NFIB: variants seen among roughly 807,000 people sequenced by gnomAD.
NFIB encodes nuclear factor 1 B-type.
Under a neutral mutation model 61.5 loss-of-function variants are expected in NFIB, and 11 were observed. The ratio of observed to expected loss-of-function variants is 0.18; its 90% CI spans 0.11 to 0.30. NFIB has a LOEUF of 0.30. NFIB is among the 10% of genes least tolerant of loss of function. The pLI is 1.00. For missense variants in NFIB, 471 were observed against 608.9 expected, an observed-to-expected ratio of 0.77 and a Z score of 2.38; for synonymous variants, 260 against 216.5, an observed-to-expected ratio of 1.20 and a Z score of -1.76.
intron 10 of NFIB, among the ~76,000 whole-genome samples, chr9:14,090,097 G>A (rs950371746): frequency 2.0e-5 from 3 of 152,062 alleles, no homozygotes; most frequent in Non-Finnish European, 2.9e-5. Context: ...TTCAAAAGCT[G>A]TCACCCAAGA....
chr9:14,316,623 G>T (rs1479134841), upstream of NFIB, among the ~76,000 whole-genome samples: 1 of 152,220 alleles, frequency 6.6e-6, no homozygotes, highest in Non-Finnish European at 1.5e-5. Flanking sequence ...GTTAATCCAA[G>T]TAAATACTCA....
chr9:14,509,737 A>G, the NFIB span, among the ~76,000 whole-genome samples: 5 of 152,342 alleles, frequency 3.3e-5, no homozygotes, highest in African/African-American at 1.2e-4. Flanking sequence ...ATGGAGAAAG[A>G]TAGAATAGGG....
intron 5 of NFIB, among the ~76,000 whole-genome samples, chr9:14,148,692 T>G (rs772701833): frequency 6.6e-6 from 1 of 151,770 alleles, no homozygotes; most frequent in Admixed American, 6.6e-5. Flanking sequence ...GTGTGCTCTT[T>G]CCACTGCACT....
chr9:14,207,397 T>A (rs577198264), intron 2 of NFIB, among the ~76,000 whole-genome samples: 38 of 151,524 alleles, frequency 2.5e-4, no homozygotes, highest in African/African-American at 8.9e-4. Context: ...AAGCCTCCCT[T>A]GAGTGGAGGC....
chr9:14,417,469 G>A, the NFIB span, among the ~76,000 whole-genome samples: 1 of 152,180 alleles, frequency 6.6e-6, no homozygotes, highest in Non-Finnish European at 1.5e-5. Context: ...GACTGTATCA[G>A]TCTCCTGAGA....
the NFIB span, among the ~76,000 whole-genome samples, chr9:14,497,376 G>A: frequency 6.6e-6 from 1 of 152,164 alleles, no homozygotes; most frequent in Non-Finnish European, 1.5e-5. Flanking sequence ...TTTTGTCCAA[G>A]GCAGTCTTCG....
chr9:14,222,654 G>A (rs997212450), intron 2 of NFIB, among the ~76,000 whole-genome samples: 3 of 151,728 alleles, frequency 2.0e-5, no homozygotes, highest in African/African-American at 4.8e-5. Context: ...AATTAGCCAG[G>A]CATGGTGGCA....
intron 1 of NFIB, among the ~76,000 whole-genome samples, chr9:14,381,943 G>A (rs746453481): frequency 6.6e-6 from 1 of 151,986 alleles, no homozygotes; most frequent in Non-Finnish European, 1.5e-5. Context: ...GTACCAAGAT[G>A]TTTGCATAAA....
chr9:14,338,242 A>C (rs2060907206), intron 1 of NFIB, among the ~76,000 whole-genome samples: 1 of 152,202 alleles, frequency 6.6e-6, no homozygotes, highest in East Asian at 1.9e-4. Flanking sequence ...AAAATACAAA[A>C]AATTAGCCGG....
Position 14,314,072 on chromosome 9 carries a change from T to C in NFIB, c.-561A>G, listed in dbSNP as rs1365482498. 59 of 1,054,458 alleles carry C rather than the reference T, an allele frequency of 5.6e-5. No homozygotes were observed. Among genetic ancestry groups the C allele is most frequent in the Middle Eastern group, 4.2e-4 (1 of 2,354 alleles). The allele number at this position is 1,054,458 out of a possible 1,614,324, so 65.3% of individuals were successfully genotyped here. A position where few individuals can be genotyped will look rare whatever the true frequency, so the allele number is the denominator to read the frequency against. ...CAAGCACTGCGGCAGGATCCCGGAG[T>C]GGTGATCGCAGGCGAAACTTTGCCG... On this transcript the variant is annotated 5_prime_UTR_variant, in exon 1 of 11. Coordinates refer to ENST00000380953, the MANE Select transcript of NFIB (RefSeq NM_001190737.2).
intron 6 of NFIB, among the ~76,000 whole-genome samples, chr9:14,131,975 G>A (rs925517222): frequency 6.6e-6 from 1 of 152,090 alleles, no homozygotes; most frequent in African/African-American, 2.4e-5. Flanking sequence ...CAATATGCTC[G>A]AGTAGATTAA....
intron 2 of NFIB, among the ~76,000 whole-genome samples, chr9:14,252,955 GAGGA>G (rs1263493457): frequency 3.0e-4 from 41 of 137,686 alleles, no homozygotes; most frequent in African/African-American, 9.0e-4. Flanking sequence ...GGAAAGGAGG[GAGGA>G]AGGAAGGAAG....
chr9:14,262,521 G>A (rs900453302), intron 2 of NFIB, among the ~76,000 whole-genome samples: 3 of 152,202 alleles, frequency 2.0e-5, no homozygotes, highest in Non-Finnish European at 4.4e-5. Context: ...AAAGTGAGAA[G>A]AATCATTTCT....
chr9:14,130,393 C>A (rs1320326265), intron 6 of NFIB, among the ~76,000 whole-genome samples: 5 of 152,184 alleles, frequency 3.3e-5, no homozygotes, highest in Non-Finnish European at 7.4e-5. Flanking sequence ...GAAAATGAGG[C>A]ATTTCCACTC....
At chr9:14,217,259 A>C (rs1253481159) in intron 2 of NFIB, among the ~76,000 whole-genome samples, 1 of 152,226 alleles carries the variant, frequency 6.6e-6, no homozygotes, top group Non-Finnish European at 1.5e-5. Flanking sequence ...CAGCAGATAG[A>C]ATCTAAATTA....
At chr9:14,481,954 T>A in the NFIB span, among the ~76,000 whole-genome samples, 1 of 152,074 alleles carries the variant, frequency 6.6e-6, no homozygotes, top group African/African-American at 2.4e-5. Context: ...CTCTCCCAGT[T>A]ATTGGCCGGA....
At chr9:14,367,165 A>T (rs773375979) in intron 1 of NFIB, among the ~76,000 whole-genome samples, 8 of 152,148 alleles carry the variant, frequency 5.3e-5, no homozygotes, top group Non-Finnish European at 1.0e-4. Context: ...TGGGTATGGG[A>T]ATGCAAAACT....
chr9:14,202,647 T>C (rs930800474), intron 2 of NFIB, among the ~76,000 whole-genome samples: 3 of 152,180 alleles, frequency 2.0e-5, no homozygotes, highest in Admixed American at 2.0e-4. Context: ...CATAAAAATA[T>C]CGGTTCTACG....
the NFIB span, among the ~76,000 whole-genome samples, chr9:14,429,497 G>A: frequency 1.1e-4 from 17 of 152,192 alleles, no homozygotes; most frequent in Admixed American, 2.6e-4. Context: ...GCTTTTAAGG[G>A]TGATGTTACT....
Sources: gnomAD v4.1 joint callset for allele counts (sites outside exome capture counted in the v4.1 genomes callset) on GRCh38, gnomAD v4.1.1 for gene constraint, MANE v1.5 for transcripts, NCBI Gene and HGNC (gene_info 2026-07-23, HGNC 2026-07-21) for gene names.